COL5A1: variants seen among roughly 807,000 people sequenced by gnomAD.
COL5A1 encodes the protein collagen type V alpha 1 chain, also known as collagen alpha-1(V) chain.
A neutral mutation model predicts 263.7 loss-of-function variants in COL5A1; 16 were observed. The ratio of observed to expected loss-of-function variants is 0.06; its 90% CI spans 0.04 to 0.09. The LOEUF is 0.09. Ranked by LOEUF, COL5A1 falls within the 10% of genes least tolerant of loss-of-function variation. COL5A1 has a pLI of 1.00. For synonymous variants in COL5A1, 1,012 were observed against 1,004.5 expected (o/e 1.01, Z -0.14); for missense variants, 2,036 against 2,540.5 (o/e 0.80, Z 4.27).
At chr9:134,660,142 C>G (rs1832159533) in intron 1 of COL5A1, among the ~76,000 whole-genome samples, 1 of 152,210 alleles carries the variant, frequency 6.6e-6, no homozygotes, top group South Asian at 2.1e-4. Context: ...AAGAAAAATG[C>G]AAACTCTGAG....
chr9:134,826,296 A>G lies in COL5A1; in HGVS notation c.5067+392A>G, dbSNP rs1839259868. ...AACGTGAGCCTGAGACATCTTCCGG[A>G]AGCTGCCCTTTGCCTCAATTCTTAT... On this transcript the variant is annotated intron_variant, in intron 63 of 65. Coordinates refer to ENST00000371817, the MANE Select transcript of COL5A1 (RefSeq NM_000093.5). Among the ~76,000 whole-genome samples the G allele has an allele frequency of 2.0e-5, 3 of 152,198 alleles. No homozygotes were observed. In the South Asian group the frequency reaches 6.2e-4, roughly 32 times the overall value.
rs757103259 is a variant in COL5A1 at position 134,766,517 on chromosome 9, G to A, written c.2133+19G>A. 9.3e-6 allele frequency: 15 copies of A among 1,613,560 alleles called. No homozygotes were observed. Among genetic ancestry groups the A allele is most frequent in the East Asian group, 4.5e-5 (2 of 44,870 alleles). On this transcript the variant is annotated intron_variant, in intron 22 of 65. Transcript: ENST00000371817. ...AAATGTGGTAAGTCCCTGGGGTCCC[G>A]TGGCCTGGCTTCAGGGGCACTTTCC...
chr9:134,824,730 A>T lies in COL5A1; in HGVS notation c.4829A>T (p.Glu1610Val), dbSNP rs1839192431. 8 of 1,614,074 alleles carry T rather than the reference A, an allele frequency of 5.0e-6. No homozygotes were observed. Among genetic ancestry groups the T allele is most frequent in the Non-Finnish European group, 6.8e-6 (8 of 1,180,046 alleles). The change falls in exon 62 of 66, where the codon GAG becomes GTG. Residue 1610 changes from glutamate (E) to valine (V), a missense_variant. This residue lies in a region of COL5A1 where 358 missense variants were observed against 384.6 expected (regional missense o/e 0.93). Coordinates refer to ENST00000371817, the MANE Select transcript of COL5A1 (RefSeq NM_000093.5). ...GTGGACTACGCGGACGGCATGGAAG[A>T]GATCTTCGGCTCTCTCAACTCTCTG... is the stretch of plus-strand genomic sequence containing the variant. ...NYVDYADGME[E>V]IFGSLNSLKL...
chr9:134,720,495 A>C (rs1409349235), intron 4 of COL5A1, among the ~76,000 whole-genome samples: 1 of 152,182 alleles, frequency 6.6e-6, no homozygotes, highest in African/African-American at 2.4e-5. Context: ...TCGTGATCCT[A>C]GCTTTGTATT....
chr9:134,838,562 C>T (rs1015526144), intron 65 of COL5A1, among the ~76,000 whole-genome samples: 5 of 152,120 alleles, frequency 3.3e-5, no homozygotes, highest in African/African-American at 1.2e-4. Flanking sequence ...AGTGCCACCC[C>T]AAAAGGAGAC....
At chr9:134,649,075 G>A (rs993244375) in intron 1 of COL5A1, among the ~76,000 whole-genome samples, 2 of 152,064 alleles carry the variant, frequency 1.3e-5, no homozygotes, top group African/African-American at 4.8e-5. Context: ...GGCAGGGGTG[G>A]GTGAAGTTGG....
chr9:134,685,041 TCCACCATCCATCCA>T (rs1832972197), intron 1 of COL5A1, among the ~76,000 whole-genome samples: 2 of 137,376 alleles, frequency 1.5e-5, no homozygotes, highest in African/African-American at 2.9e-5. Context: ...CATTCATCCA[TCCACCATCCATCCA>T]CCATCCATCC....
intron 41 of COL5A1, among the ~76,000 whole-genome samples, chr9:134,805,887 G>A (rs965492283): frequency 6.6e-6 from 1 of 152,026 alleles, no homozygotes; most frequent in African/African-American, 2.4e-5. Flanking sequence ...AGGGTGCCCC[G>A]TGGGCAGACC....
rs116439504 is a variant in COL5A1 at position 134,828,327 on chromosome 9, C to T, written c.5068-1649C>T. Among the ~76,000 whole-genome samples, 906 of 152,238 alleles carry T rather than the reference C, an allele frequency of 6.0e-3. 7 individuals carry two copies. The highest frequency in any genetic ancestry group is 0.021 in the African/African-American group (858 of 41,508). Reference sequence around the variant, plus strand: ...CTCAGGTGGGAGCCCTCCCAGGAAGCGGGCACAAGTAGTGCCCCATGGCAG... The same window carrying T: ...CTCAGGTGGGAGCCCTCCCAGGAAGTGGGCACAAGTAGTGCCCCATGGCAG... On this transcript the variant is annotated intron_variant, in intron 63 of 65. Transcript: ENST00000371817.
intron 2 of COL5A1, among the ~76,000 whole-genome samples, chr9:134,694,296 C>T (rs1833385053): frequency 6.6e-6 from 1 of 152,234 alleles, no homozygotes; most frequent in Admixed American, 6.5e-5. Context: ...GGTGCAGTGC[C>T]CGTCCCCGCC....
rs969980205 is a variant in COL5A1, at chr9:134,677,168, G to C, written c.110-13744G>C. ...CTCATCTTCCTTGAGCTTCATGAAGGAACAGTGTCTCTGCTGGATGCTACC... is the reference window on the plus strand; with the variant it reads ...CTCATCTTCCTTGAGCTTCATGAAGCAACAGTGTCTCTGCTGGATGCTACC... On this transcript the variant is annotated intron_variant, in intron 1 of 65. Coordinates refer to ENST00000371817, the MANE Select transcript of COL5A1 (RefSeq NM_000093.5). This position sits in a 1 kb window ranked among gnomAD's most constrained non-coding sequence, Gnocchi z 4.4. Among the ~76,000 whole-genome samples, 1 of 152,160 alleles carries C rather than the reference G, an allele frequency of 6.6e-6. No individual in the cohort carries two copies. Among genetic ancestry groups the C allele is most frequent in the Non-Finnish European group, 1.5e-5 (1 of 68,030 alleles).
At chr9:134,783,315 C>T (rs573915183) in intron 29 of COL5A1, among the ~76,000 whole-genome samples, 1 of 152,260 alleles carries the variant, frequency 6.6e-6, no homozygotes, top group African/African-American at 2.4e-5. Context: ...TAATTTAGCT[C>T]GGCTCCAGAG....
intron 27 of COL5A1, among the ~76,000 whole-genome samples, chr9:134,778,630 G>A (rs1237753725): frequency 6.6e-6 from 1 of 152,236 alleles, no homozygotes; most frequent in Admixed American, 6.5e-5. Context: ...CAGGCCAGAC[G>A]AACCAGAGCT....
chr9:134,822,724 C>CA (rs546175702), intron 59 of COL5A1, among the ~76,000 whole-genome samples: 33 of 150,772 alleles, frequency 2.2e-4, no homozygotes, highest in Admixed American at 3.3e-4. Flanking sequence ...CGCTGCGCCC[C>CA]CCCCGCGGCT....
intron 63 of COL5A1, among the ~76,000 whole-genome samples, chr9:134,826,588 G>A (rs1839272767): frequency 7.7e-6 from 1 of 129,506 alleles, no homozygotes; most frequent in Non-Finnish European, 1.6e-5. Flanking sequence ...GTGTGGTTTT[G>A]TAGTTGGGGT....
intron 11 of COL5A1, among the ~76,000 whole-genome samples, chr9:134,740,839 A>G (rs946076627): frequency 6.6e-6 from 1 of 152,202 alleles, no homozygotes; most frequent in Non-Finnish European, 1.5e-5. Flanking sequence ...TCGTTGGTTT[A>G]GGAGCTGGTC....
At position 134,727,294 on chromosome 9, in the gene COL5A1, C is replaced by T. The variant is rs770737485; in HGVS notation, c.683C>T (p.Ser228Leu). The T allele has an allele frequency of 3.8e-5, 61 of 1,613,890 alleles. No individual in the cohort carries two copies. Among genetic ancestry groups the T allele is most frequent in the Admixed American group, 1.0e-4 (6 of 59,994 alleles). ...EGDIQQLLFV[S>L]DHRAAYDYCE... ...GACATCCAGCAGCTGCTCTTTGTCT[C>T]GGACCACCGGGCAGCTTATGATTAC... Residue 228 changes from serine to leucine, a missense_variant, in exon 5 of 66, where the codon TCG becomes TTG. By Grantham distance (145) the Ser-to-Leu change is moderately radical. Transcript: ENST00000371817.
chr9:134,826,153 G>A (rs537850385), intron 63 of COL5A1, among the ~76,000 whole-genome samples: 9 of 152,390 alleles, frequency 5.9e-5, no homozygotes, highest in South Asian at 4.1e-4. Context: ...GCATCCTGCC[G>A]TCCCAGGGCT....
intron 11 of COL5A1, among the ~76,000 whole-genome samples, chr9:134,740,914 A>G (rs751284819): frequency 4.6e-5 from 7 of 151,662 alleles, no homozygotes; most frequent in African/African-American, 7.3e-5. Context: ...AGAGGAGCCA[A>G]CTCCTCCAGG....
Sources: allele counts gnomAD v4.1 joint callset (sites outside exome capture counted in the v4.1 genomes callset), GRCh38; gene constraint gnomAD v4.1.1; regional missense constraint gnomAD v4.1.1; non-coding constraint Gnocchi (gnomAD v3.1); transcripts MANE v1.5; gene names NCBI Gene and HGNC (gene_info 2026-07-23, HGNC 2026-07-21).